NOL4: variants seen among roughly 807,000 people sequenced by gnomAD.
NOL4 encodes nucleolar protein 4, also known as cancer/testis antigen 125.
NOL4 carries 17 observed loss-of-function variants against 75.9 expected under a neutral mutation model. That is an observed-to-expected ratio of 0.22 (90% confidence interval 0.15 to 0.34). The LOEUF (loss-of-function observed/expected upper bound fraction) is 0.34, where lower values mean the gene tolerates loss of function less well. Among genes scored for constraint, NOL4 ranks in the 10% least tolerant of loss-of-function variants. The pLI is 1.00. For missense variants in NOL4, 614 were observed against 793.5 expected (o/e 0.77, Z 2.72); for synonymous variants, 292 against 289.9 (o/e 1.01, Z -0.07).
chr18:33,967,944 G>T (rs1209971178), intron 6 of NOL4, among the ~76,000 whole-genome samples: 1 of 152,060 alleles, frequency 6.6e-6, no homozygotes, highest in Non-Finnish European at 1.5e-5. Flanking sequence ...AAATTAGCCA[G>T]GCGTGGTGGC....
intron 2 of NOL4, among the ~76,000 whole-genome samples, chr18:34,122,925 G>C (rs1025335793): frequency 3.3e-5 from 5 of 151,920 alleles, no homozygotes; most frequent in African/African-American, 1.2e-4. Flanking sequence ...AAGCCGCATT[G>C]GCTCCTTTTC....
intron 6 of NOL4, among the ~76,000 whole-genome samples, chr18:33,967,119 A>G (rs2070667153): frequency 6.6e-6 from 1 of 152,202 alleles, no homozygotes; most frequent in South Asian, 2.1e-4. Flanking sequence ...AAACTGGTAC[A>G]GAAACAGATA....
At chr18:34,222,908 CCCTCTCTCCCG>C (rs1201885517) in intron 1 of NOL4, 71 bp downstream of exon 1, 10 of 1,543,614 alleles carry the variant, frequency 6.5e-6, no homozygotes, top group Admixed American at 3.5e-5. Flanking sequence ...TCACGGCTCC[CCCTCTCTCCCG>C]CCTCTCTCCT....
intron 4 of NOL4, among the ~76,000 whole-genome samples, chr18:34,098,589 C>A (rs554094168): frequency 6.6e-6 from 1 of 152,220 alleles, no homozygotes; most frequent in East Asian, 1.9e-4. Context: ...ATTAATAAAT[C>A]ATTTTTGTAT....
In NOL4 at chr18:34,196,049, C is replaced by CA. The variant is rs201122320; in HGVS notation, c.264+26940dup. The stretch of plus-strand genomic sequence containing the variant: ...AAACTAATAAATCTCATTTTCTGAC[C>CA]AAAAAAAAAGATGATTATGTATACC... On this transcript the variant is annotated intron_variant, in intron 1 of 10. Transcript: ENST00000261592. 8.5e-4 allele frequency among the ~76,000 whole-genome samples: 127 copies of CA among 149,612 alleles called. 1 individual carries two copies. Among genetic ancestry groups the CA allele is most frequent in the Non-Finnish European group, 1.3e-3 (86 of 67,204 alleles).
At position 33,925,531 on chromosome 18, in the gene NOL4, C is replaced by T. The variant is rs557243602; in HGVS notation, c.1542+17534G>A. 2.6e-5 allele frequency among the ~76,000 whole-genome samples: 4 copies of T among 152,190 alleles called. No homozygotes were observed. In the East Asian group the frequency reaches 7.7e-4, roughly 29 times the overall value. On this transcript the variant is annotated intron_variant, in intron 9 of 10. Coordinates refer to ENST00000261592, the MANE Select transcript of NOL4 (RefSeq NM_003787.5). Reference sequence around the variant, plus strand: ...GGACTTCTCAAATTTGCTTGATAGGCAATAATTAATGATATAAAAATGCAA... The same window carrying T: ...GGACTTCTCAAATTTGCTTGATAGGTAATAATTAATGATATAAAAATGCAA...
intron 6 of NOL4, among the ~76,000 whole-genome samples, chr18:34,001,322 T>G (rs1038129926): frequency 1.3e-5 from 2 of 152,190 alleles, no homozygotes; most frequent in Non-Finnish European, 2.9e-5. Flanking sequence ...AATCACGGAC[T>G]GTAGGTTTGT....
chr18:34,072,632 A>T (rs2077571404), intron 5 of NOL4, among the ~76,000 whole-genome samples: 1 of 152,176 alleles, frequency 6.6e-6, no homozygotes, highest in African/African-American at 2.4e-5. Flanking sequence ...ACACAAAACA[A>T]CTGTGTAATA....
At chr18:33,986,022 C>T (rs1355071861) in intron 6 of NOL4, among the ~76,000 whole-genome samples, 1 of 151,934 alleles carries the variant, frequency 6.6e-6, no homozygotes, top group Non-Finnish European at 1.5e-5. Context: ...TAGAATATGC[C>T]ATTTATGAAA....
chr18:33,891,780 A>T (rs1255987573), intron 9 of NOL4, among the ~76,000 whole-genome samples: 1 of 152,202 alleles, frequency 6.6e-6, no homozygotes, highest in Non-Finnish European at 1.5e-5. Context: ...TACATTTTTT[A>T]AAAATTCCCT....
chr18:34,161,589 G>A (rs949184521), intron 1 of NOL4, among the ~76,000 whole-genome samples: 5 of 152,026 alleles, frequency 3.3e-5, no homozygotes, highest in African/African-American at 1.2e-4. Flanking sequence ...TTTCCTTGAC[G>A]ATTAATGATG....
intron 5 of NOL4, among the ~76,000 whole-genome samples, chr18:34,055,486 A>G (rs2076797745): frequency 6.6e-6 from 1 of 152,130 alleles, no homozygotes; most frequent in African/African-American, 2.4e-5. Flanking sequence ...AATCTTATAG[A>G]GGCTATAATG....
chr18:34,003,719 T>A (rs2073869404), intron 6 of NOL4, among the ~76,000 whole-genome samples: 1 of 152,072 alleles, frequency 6.6e-6, no homozygotes. Flanking sequence ...CTCCTGTTCT[T>A]CAGCAAGACT....
rs952352737 is a variant in NOL4 at position 34,022,690 on chromosome 18, T to C, written c.773-3089A>G. Among the ~76,000 whole-genome samples, 4 of 152,086 alleles carry C rather than the reference T, an allele frequency of 2.6e-5. No individual in the cohort carries two copies. In the East Asian group the frequency reaches 5.8e-4, roughly 22 times the overall value. ...GTGTTCTAGAATCCTTTAAAAAATA[T>C]AGTAACATTTAATGTATGAAAGCTT... On this transcript the variant is annotated intron_variant, in intron 5 of 10. Transcript: ENST00000261592.
intron 4 of NOL4, among the ~76,000 whole-genome samples, chr18:34,099,736 T>A (rs2078957671): frequency 6.6e-6 from 1 of 152,118 alleles, no homozygotes; most frequent in Non-Finnish European, 1.5e-5. Context: ...TCTCTCATGA[T>A]CTCACTTATA....
rs934752755 is a variant in NOL4, at chr18:34,224,817, G to A, written c.-1564C>T. The A allele has an allele frequency of 1.4e-4, 21 of 154,668 alleles. No individual in the cohort carries two copies. The highest frequency in any genetic ancestry group is 2.9e-4 in the Non-Finnish European group (20 of 69,648). The allele number at this position is 154,668 out of a possible 1,614,324, so 9.6% of individuals were successfully genotyped here. A position where few individuals can be genotyped will look rare whatever the true frequency, so the allele number is the denominator to read the frequency against. On this transcript the variant is annotated 5_prime_UTR_variant, in exon 1 of 11. Transcript: ENST00000261592. ...AGGGAGCGAGGGTGTGCGGTGTGCA[G>A]GGGGTGCGCTGTGTGTGCGCGCGTC...
intron 10 of NOL4, among the ~76,000 whole-genome samples, chr18:33,856,141 A>C (rs2062827685): frequency 6.6e-6 from 1 of 152,166 alleles, no homozygotes; most frequent in East Asian, 1.9e-4. Context: ...GCACAAAGGA[A>C]GCCTCAATAA....
intron 5 of NOL4, among the ~76,000 whole-genome samples, chr18:34,084,273 T>C (rs2078145806): frequency 6.6e-6 from 1 of 152,092 alleles, no homozygotes; most frequent in African/African-American, 2.4e-5. Context: ...CAGGAAAGAC[T>C]AGGGCTGCTG....
intron 6 of NOL4, among the ~76,000 whole-genome samples, chr18:33,996,560 A>G (rs922632841): frequency 6.6e-6 from 1 of 151,788 alleles, no homozygotes; most frequent in Non-Finnish European, 1.5e-5. Flanking sequence ...GTAGCACTTC[A>G]ACACTTTCCC....
Sources: allele counts gnomAD v4.1 joint callset (sites outside exome capture counted in the v4.1 genomes callset), GRCh38; gene constraint gnomAD v4.1.1; transcripts MANE v1.5; gene names NCBI Gene and HGNC (gene_info 2026-07-23, HGNC 2026-07-21).